PPA2: variants seen among roughly 807,000 people sequenced by gnomAD.
PPA2 encodes inorganic pyrophosphatase 2, mitochondrial.
A neutral mutation model predicts 49.5 loss-of-function variants in PPA2; 48 were observed. The ratio of observed to expected loss-of-function variants is 0.97; its 90% CI spans 0.77 to 1.23. PPA2 has a LOEUF of 1.23. Ranked by LOEUF, PPA2 falls within the 50% of genes most tolerant of loss-of-function variation. PPA2 has a pLI of 0.00. For synonymous variants in PPA2, 131 were observed against 139.9 expected, an observed-to-expected ratio of 0.94 and a Z score of 0.45; for missense variants, 429 against 410.1, an observed-to-expected ratio of 1.05 and a Z score of -0.40.
chr4:105,370,858 T>A lies in PPA2; in HGVS notation c.955A>T (p.Asn319Tyr), dbSNP rs746822741. 8 of 1,471,566 alleles carry A rather than the reference T, an allele frequency of 5.4e-6. No individual in the cohort carries two copies. In the South Asian group the frequency reaches 1.0e-4, roughly 19 times the overall value. The allele number at this position is 1,471,566 out of a possible 1,614,324, so 91.2% of individuals were successfully genotyped here. ...SLVESVSSSP[N>Y]KESNEEEQVW... ...ATACCTTCTTCATTACTTTCTTTAT[T>A]TGGTGAAGATGATACCTGGAAATAA... is the stretch of plus-strand genomic sequence containing the variant. The change falls in exon 11 of 12, where the codon AAT becomes TAT. Residue 319 changes from asparagine (N) to tyrosine (Y), a missense_variant. By Grantham distance (143) the Asn-to-Tyr change is moderately radical. Coordinates refer to ENST00000341695, the MANE Select transcript of PPA2 (RefSeq NM_176869.3).
chr4:105,402,457 T>C (rs1441849086), intron 7 of PPA2, among the ~76,000 whole-genome samples: 4 of 152,200 alleles, frequency 2.6e-5, no homozygotes, highest in Admixed American at 1.3e-4. Context: ...CATTCAGGTA[T>C]CTGAAAGGAG....
intron 10 of PPA2, among the ~76,000 whole-genome samples, chr4:105,375,734 G>A (rs1733224619): frequency 6.6e-6 from 1 of 152,034 alleles, no homozygotes; most frequent in South Asian, 2.1e-4. Context: ...TGTGGACCAT[G>A]CAAGGAAGCT....
intron 1 of PPA2, among the ~76,000 whole-genome samples, chr4:105,457,279 C>T (rs1255591998): frequency 6.6e-6 from 1 of 152,124 alleles, no homozygotes; most frequent in Non-Finnish European, 1.5e-5. Flanking sequence ...ACTTCAATAA[C>T]AGAAACTATC....
intron 1 of PPA2, among the ~76,000 whole-genome samples, chr4:105,466,583 G>C (rs985645485): frequency 6.6e-6 from 1 of 152,176 alleles, no homozygotes; most frequent in Non-Finnish European, 1.5e-5. Flanking sequence ...AGAAGGAGAG[G>C]CTGAGGCAAT....
chr4:105,399,258 G>C, intron 7 of PPA2, 94 bp from the exon 8 acceptor site: 3 of 1,237,394 alleles, frequency 2.4e-6, no homozygotes, highest in Non-Finnish European at 2.2e-6. Flanking sequence ...AGGAAACATG[G>C]GGCCCAGTCT....
At chr4:105,446,278 A>C (rs913953940) in intron 5 of PPA2, 105 bp downstream of exon 5, 4 of 1,230,174 alleles carry the variant, frequency 3.3e-6, no homozygotes, top group Non-Finnish European at 4.4e-6. Context: ...AAACCTCTCC[A>C]AATGACATGT....
chr4:105,390,251 G>A (rs976849577), intron 9 of PPA2, among the ~76,000 whole-genome samples: 48 of 152,216 alleles, frequency 3.2e-4, no homozygotes, highest in African/African-American at 1.1e-3. Flanking sequence ...CATAGGCATG[G>A]GCAAAGACTT....
At chr4:105,404,370 TAAAC>T (rs1367135632) in intron 7 of PPA2, among the ~76,000 whole-genome samples, 4 of 151,662 alleles carry the variant, frequency 2.6e-5, no homozygotes, top group African/African-American at 4.8e-5. Context: ...TAAAAGCAAA[TAAAC>T]AAAGAATAAA....
At chr4:105,449,884 A>G (rs1390925684) in intron 3 of PPA2, among the ~76,000 whole-genome samples, 1 of 152,206 alleles carries the variant, frequency 6.6e-6, no homozygotes, top group Non-Finnish European at 1.5e-5. Context: ...AAATGATAAA[A>G]TAATAATTAA....
chr4:105,466,141 G>T (rs765767213), intron 1 of PPA2, among the ~76,000 whole-genome samples: 1 of 152,020 alleles, frequency 6.6e-6, no homozygotes, highest in Non-Finnish European at 1.5e-5. Context: ...TTGCTAAAGA[G>T]GTCTTGGTCT....
At position 105,399,106 on chromosome 4, in the gene PPA2, A is replaced by G. The variant is rs1578817624; in HGVS notation, c.714T>C (p.Phe238=). 1 of 1,611,006 alleles carries G rather than the reference A, an allele frequency of 6.2e-7. No individual in the cohort carries two copies. Among genetic ancestry groups the G allele is most frequent in the South Asian group, 1.1e-5 (1 of 90,160 alleles). The change falls in exon 8 of 12, where the codon TTT becomes TTC. Residue 238 remains phenylalanine (F), a synonymous_variant. Coordinates refer to ENST00000341695, the MANE Select transcript of PPA2 (RefSeq NM_176869.3). ...TTCCATCTGGTACCTTATATAATCT[A>G]AACCAATTAAGAGTAGCTTCCAGGT... The part of the protein sequence containing the change: ...PGYLEATLNW[F]RLYKVPDGKP...
At chr4:105,404,745 C>T (rs1464167715) in intron 7 of PPA2, among the ~76,000 whole-genome samples, 3 of 152,170 alleles carry the variant, frequency 2.0e-5, no homozygotes, top group Admixed American at 6.5e-5. Flanking sequence ...CAAAGTTACA[C>T]TTACAGGCAA....
chr4:105,473,370 T>C, intron 1 of PPA2: 1 of 339,112 alleles, frequency 2.9e-6, no homozygotes, highest in South Asian at 2.3e-5. Flanking sequence ...AGAACCTTCA[T>C]CAGAGTCCCT....
chr4:105,401,156 C>T (rs573044895), intron 7 of PPA2, among the ~76,000 whole-genome samples: 1 of 152,028 alleles, frequency 6.6e-6, no homozygotes, highest in Non-Finnish European at 1.5e-5. Flanking sequence ...GAAAAGCATA[C>T]ATAGATATAT....
chr4:105,374,191 T>G (rs916505474), intron 10 of PPA2, among the ~76,000 whole-genome samples: 4 of 152,214 alleles, frequency 2.6e-5, no homozygotes, highest in African/African-American at 9.6e-5. Flanking sequence ...AGGAAAAGAA[T>G]GTGGACATCC....
chr4:105,375,057 T>C (rs1036794821), intron 10 of PPA2, among the ~76,000 whole-genome samples: 16 of 152,000 alleles, frequency 1.1e-4, no homozygotes, highest in African/African-American at 3.6e-4. Flanking sequence ...TCATTTTACT[T>C]TTCACACAAT....
At chr4:105,400,560 G>C (rs998964471) in intron 7 of PPA2, among the ~76,000 whole-genome samples, 1 of 152,190 alleles carries the variant, frequency 6.6e-6, no homozygotes, top group Admixed American at 6.5e-5. Context: ...ATTAGTCCAG[G>C]AGGTGGAGGC....
At chr4:105,464,219 T>C (rs1187018229) in intron 1 of PPA2, among the ~76,000 whole-genome samples, 1 of 152,214 alleles carries the variant, frequency 6.6e-6, no homozygotes, top group Non-Finnish European at 1.5e-5. Context: ...ACACATGGAA[T>C]CAAAGGAGAT....
Position 105,446,444 on chromosome 4 carries a change from C to A in PPA2, c.380G>T (p.Arg127Leu), listed in dbSNP as rs139076647. The A allele has an allele frequency of 4.6e-4, 734 of 1,605,628 alleles. No homozygotes were observed. The highest frequency in any genetic ancestry group is 5.7e-4 in the Non-Finnish European group (670 of 1,176,840). Reference protein sequence around the residue: ...IKQYVKDGKLRYVANIFPYKG... With the variant: ...IKQYVKDGKLLYVANIFPYKG... ...GTAAGGGAAGATATTCGCCACATAG[C>A]GTAGCTTTCCATCCTTTACATATTG... Residue 127 changes from arginine to leucine, a missense_variant, in exon 5 of 12, where the codon CGC becomes CTC. By Grantham distance (102) the Arg-to-Leu change is moderately radical. Coordinates refer to ENST00000341695, the MANE Select transcript of PPA2 (RefSeq NM_176869.3).
Sources: gnomAD v4.1 joint callset for allele counts (sites outside exome capture counted in the v4.1 genomes callset) on GRCh38, gnomAD v4.1.1 for gene constraint, MANE v1.5 for transcripts, NCBI Gene and HGNC (gene_info 2026-07-23, HGNC 2026-07-21) for gene names.